PCDH15: variants seen among roughly 807,000 people sequenced by gnomAD.
PCDH15 encodes the protein protocadherin related 15, also known as protocadherin-15.
A neutral mutation model predicts 178.5 loss-of-function variants in PCDH15; 129 were observed. The observed-to-expected ratio is 0.72, with a 90% CI of 0.63 to 0.84. The LOEUF (loss-of-function observed/expected upper bound fraction) is 0.84. PCDH15 is among the 40% of genes least tolerant of loss of function. The pLI is 0.00. For synonymous variants in PCDH15, 800 were observed against 732.0 expected (o/e 1.09, Z -1.50); for missense variants, 2,230 against 2,099.9 (o/e 1.06, Z -1.21).
chr10:53,992,404 A>G (rs942689869), intron 21 of PCDH15, among the ~76,000 whole-genome samples: 1 of 152,214 alleles, frequency 6.6e-6, no homozygotes, highest in Non-Finnish European at 1.5e-5. Flanking sequence ...AACATGTTCC[A>G]ATTACTACTC....
chr10:55,507,194 C>A (rs1415723551), intron 2 of PCDH15, among the ~76,000 whole-genome samples: 1 of 151,520 alleles, frequency 6.6e-6, no homozygotes, highest in Non-Finnish European at 1.5e-5. Flanking sequence ...GCATGCAAAG[C>A]ATTTGCCATG....
chr10:54,246,775 A>G (rs1295085277), intron 8 of PCDH15, among the ~76,000 whole-genome samples: 2 of 151,978 alleles, frequency 1.3e-5, no homozygotes, highest in Non-Finnish European at 2.9e-5. Flanking sequence ...TATGGTTTAC[A>G]TTCTATCACA....
At chr10:55,513,038 T>C (rs755014026) in intron 2 of PCDH15, 1 of 152,134 alleles carries the variant, frequency 6.6e-6, no homozygotes, top group African/African-American at 2.4e-5. Context: ...ATAACTTTGG[T>C]GATTAATTGA....
At chr10:53,830,853 A>G (rs1004685115) in intron 30 of PCDH15, among the ~76,000 whole-genome samples, 4 of 152,194 alleles carry the variant, frequency 2.6e-5, no homozygotes, top group Admixed American at 1.3e-4. Flanking sequence ...GCTTTTGCTA[A>G]CACTGTGATC....
intron 3 of PCDH15, among the ~76,000 whole-genome samples, chr10:54,396,111 C>T (rs948694104): frequency 2.0e-5 from 3 of 152,228 alleles, no homozygotes; most frequent in African/African-American, 7.2e-5. Flanking sequence ...CCCTCTAAAC[C>T]GGGGAGGACA....
intron 2 of PCDH15, among the ~76,000 whole-genome samples, chr10:54,636,919 C>T (rs148839142): frequency 1.3e-5 from 2 of 151,974 alleles, no homozygotes; most frequent in Non-Finnish European, 2.9e-5. Context: ...CAAACTATAG[C>T]CATATTGAGA....
Position 54,825,288 on chromosome 10 carries a change from G to C in PCDH15, c.-29+72162C>G, listed in dbSNP as rs534410531. 1.6e-4 allele frequency among the ~76,000 whole-genome samples: 24 copies of C among 150,666 alleles called. No individual in the cohort carries two copies. The East Asian group carries it at 2.7e-3, about 17-fold the overall frequency. On this transcript the variant is annotated intron_variant, in intron 3 of 5. Coordinates refer to the PCDH15 transcript ENST00000458638. Reference sequence around the variant, plus strand: ...CAGTCTATCATTGTTGGACATTTGGGTTGGTTCCAAGTCTTTGCTATTGTG... The same window carrying C: ...CAGTCTATCATTGTTGGACATTTGGCTTGGTTCCAAGTCTTTGCTATTGTG...
intron 2 of PCDH15, among the ~76,000 whole-genome samples, chr10:54,636,687 C>G (rs762304807): frequency 2.0e-5 from 3 of 151,872 alleles, no homozygotes; most frequent in African/African-American, 7.2e-5. Flanking sequence ...CAGGAGGTCA[C>G]GTCACCAGCA....
At chr10:54,231,703 G>C (rs1011578921) in intron 9 of PCDH15, among the ~76,000 whole-genome samples, 2 of 152,236 alleles carry the variant, frequency 1.3e-5, no homozygotes, top group Admixed American at 1.3e-4. Flanking sequence ...CCAAGGCCTT[G>C]GGAGCCCACC....
At chr10:55,418,997 G>A (rs1838553904) in intron 2 of PCDH15, among the ~76,000 whole-genome samples, 1 of 151,540 alleles carries the variant, frequency 6.6e-6, no homozygotes, top group Admixed American at 6.6e-5. Flanking sequence ...GTTTTATAAG[G>A]TTGAATTAAA....
At chr10:54,239,861 T>C (rs957527043) in intron 8 of PCDH15, among the ~76,000 whole-genome samples, 3 of 152,146 alleles carry the variant, frequency 2.0e-5, no homozygotes, top group African/African-American at 7.2e-5. Flanking sequence ...GTGAAAAGAA[T>C]GATTTCTTAA....
chr10:54,064,835 C>T (rs115255021), intron 18 of PCDH15, among the ~76,000 whole-genome samples: 3,374 of 152,240 alleles, frequency 0.022, 118 homozygotes, highest in African/African-American at 0.075. Flanking sequence ...CTTCCTGGAT[C>T]CCTGAGAGCA....
chr10:54,390,694 A>C (rs938510276), intron 3 of PCDH15, among the ~76,000 whole-genome samples: 1 of 152,146 alleles, frequency 6.6e-6, no homozygotes, highest in Non-Finnish European at 1.5e-5. Flanking sequence ...CCTAGAATCA[A>C]TGAGAGATGG....
At chr10:54,668,642 T>C (rs1055820041) in intron 1 of PCDH15, among the ~76,000 whole-genome samples, 1 of 152,226 alleles carries the variant, frequency 6.6e-6, no homozygotes, top group Non-Finnish European at 1.5e-5. Flanking sequence ...TCTTGGGTGT[T>C]TGCAGTGACA....
intron 2 of PCDH15, among the ~76,000 whole-genome samples, chr10:55,508,973 A>AC (rs1441503472): frequency 1.3e-5 from 2 of 151,752 alleles, no homozygotes; most frequent in African/African-American, 4.8e-5. Flanking sequence ...ACAAAACAAA[A>AC]AAAAATATTT....
chr10:54,364,703 CTTAAA>C (rs1946558472), intron 5 of PCDH15, among the ~76,000 whole-genome samples: 1 of 151,940 alleles, frequency 6.6e-6, no homozygotes. Flanking sequence ...AATTTTGTGG[CTTAAA>C]TTAATATAAT....
intron 21 of PCDH15, among the ~76,000 whole-genome samples, chr10:53,975,937 A>G (rs1315409927): frequency 6.6e-6 from 1 of 152,142 alleles, no homozygotes; most frequent in Non-Finnish European, 1.5e-5. Context: ...ATATCAAAAA[A>G]ATTTTTGTAT....
intron 26 of PCDH15, among the ~76,000 whole-genome samples, chr10:53,893,181 GA>G (rs538795843): frequency 2.4e-4 from 35 of 148,086 alleles, no homozygotes; most frequent in South Asian, 2.1e-4. Context: ...AGTTGTTCAG[GA>G]AAAAAAAAAT....
chr10:54,688,065 T>A (rs1336193), intron 1 of PCDH15, among the ~76,000 whole-genome samples: 131,335 of 151,980 alleles, frequency 0.86, 57,412 homozygotes, highest in Middle Eastern at 0.93. Flanking sequence ...TAAAAAAATT[T>A]AAAAAAGTCT....
Sources: gnomAD v4.1 joint callset for allele counts (sites outside exome capture counted in the v4.1 genomes callset) on GRCh38, gnomAD v4.1.1 for gene constraint, MANE v1.5 for transcripts, NCBI Gene and HGNC (gene_info 2026-07-23, HGNC 2026-07-21) for gene names.